Variants in EXPH5 observed in about 807,000 individuals in gnomAD.
EXPH5 encodes exophilin 5, also known as exophilin-5.
EXPH5 carries 42 observed loss-of-function variants against 41.1 expected under a neutral mutation model. That is an observed-to-expected ratio of 1.02 (90% CI 0.80 to 1.32). The LOEUF is 1.32. Among genes scored for constraint, EXPH5 ranks in the 40% most tolerant of loss-of-function variants. EXPH5 has a pLI of 0.00. For missense variants in EXPH5, 2,298 were observed against 2,314.5 expected (o/e 0.99, Z 0.15); for synonymous variants, 798 against 833.5 (o/e 0.96, Z 0.73).
At position 108,513,995 on chromosome 11, in the gene EXPH5, G is replaced by A; in HGVS notation, c.1512C>T (p.Asp504=). ...CCATGGAAATCATTTCAAAGTCTCT[G>A]TCAGAAGAACTGAATGATTTCCTGC... ...HRSRKSFSSS[D]RDFEMISMEA... is the part of the protein sequence containing the mutation. The change falls in exon 6 of 6, where the codon GAC becomes GAT. Residue 504 remains aspartate (D), a synonymous_variant. Coordinates refer to ENST00000265843, the MANE Select transcript of EXPH5 (RefSeq NM_015065.3). 6.2e-7 allele frequency: 1 copy of A among 1,612,858 alleles called. No individual in the cohort carries two copies. Among genetic ancestry groups the A allele is most frequent in the Non-Finnish European group, 8.5e-7 (1 of 1,179,550 alleles).
Position 108,513,748 on chromosome 11 carries a change from C to T in EXPH5, c.1759G>A (p.Gly587Ser), listed in dbSNP as rs778821061. The T allele has an allele frequency of 6.2e-7, 1 of 1,610,188 alleles. No homozygotes were observed. The highest frequency in any genetic ancestry group is 8.5e-7 in the Non-Finnish European group (1 of 1,178,456). ...FGTPNVCSMT[G>S]SSYHVKSSEL... The stretch of plus-strand genomic sequence containing the variant: ...CTAGATTTGACGTGATAGCTTGAAC[C>T]AGTCATGGAGCAAACATTTGGTGTG... Residue 587 changes from glycine to serine, a missense_variant, in exon 6 of 6, where the codon GGT becomes AGT. Gly to Ser is a moderately conservative substitution (Grantham distance 56). Transcript: ENST00000265843.
intron 4 of EXPH5, among the ~76,000 whole-genome samples, chr11:108,526,799 C>T (rs573426701): frequency 3.3e-5 from 5 of 152,250 alleles, no homozygotes; most frequent in South Asian, 4.1e-4. Flanking sequence ...ATCTTTAACT[C>T]GTTAAACCTC....
chr11:108,512,675 C>T lies in EXPH5; in HGVS notation c.2832G>A (p.Glu944=). 1 of 1,614,148 alleles carries T rather than the reference C, an allele frequency of 6.2e-7. No individual in the cohort carries two copies. The highest frequency in any genetic ancestry group is 8.5e-7 in the Non-Finnish European group (1 of 1,180,012). The part of the protein sequence containing the change: ...QFIVSHSENQ[E]RNDSPVPTHD... ...GTGTAGGCACAGGACTATCATTTCTCTCTTGGTTTTCTGAGTGGCTTACAA... is the reference window on the plus strand; with the variant it reads ...GTGTAGGCACAGGACTATCATTTCTTTCTTGGTTTTCTGAGTGGCTTACAA... The change falls in exon 6 of 6, where the codon GAG becomes GAA. Residue 944 remains glutamate (E), a synonymous_variant. Coordinates refer to ENST00000265843, the MANE Select transcript of EXPH5 (RefSeq NM_015065.3).
At chr11:108,521,845 CCAAA>C (rs1294840444) in intron 4 of EXPH5, among the ~76,000 whole-genome samples, 2 of 152,170 alleles carry the variant, frequency 1.3e-5, no homozygotes, top group East Asian at 1.9e-4. Flanking sequence ...CCATTTAACA[CCAAA>C]CAATCTTTTC....
intron 1 of EXPH5, among the ~76,000 whole-genome samples, chr11:108,561,295 T>C (rs2094010636): frequency 6.6e-6 from 1 of 152,244 alleles, no homozygotes; most frequent in Non-Finnish European, 1.5e-5. Context: ...TTAGCTTTGA[T>C]TCCCTTTGAC....
chr11:108,517,620 C>G (rs2093735160), intron 5 of EXPH5, among the ~76,000 whole-genome samples: 1 of 152,196 alleles, frequency 6.6e-6, no homozygotes, highest in Non-Finnish European at 1.5e-5. Flanking sequence ...GAACCTGTCT[C>G]AGTTTTTATC....
At chr11:108,522,764 A>G (rs1413469098) in intron 4 of EXPH5, among the ~76,000 whole-genome samples, 1 of 152,182 alleles carries the variant, frequency 6.6e-6, no homozygotes, top group Non-Finnish European at 1.5e-5. Flanking sequence ...AAGCCCCTCA[A>G]AATAATGCTC....
intron 5 of EXPH5, among the ~76,000 whole-genome samples, chr11:108,516,110 T>A (rs1422452082): frequency 1.3e-5 from 2 of 152,082 alleles, no homozygotes; most frequent in Non-Finnish European, 2.9e-5. Context: ...AAACTCACTT[T>A]TCATATTTTG....
At chr11:108,577,361 C>A (rs1486585011) in intron 1 of EXPH5, among the ~76,000 whole-genome samples, 4 of 151,922 alleles carry the variant, frequency 2.6e-5, no homozygotes, top group African/African-American at 9.7e-5. Flanking sequence ...TTCTCATCAC[C>A]ATCTGTTATT....
At position 108,593,722 on chromosome 11, in the gene EXPH5, C is replaced by T. The variant is rs888083464; in HGVS notation, c.-186G>A. On this transcript the variant is annotated 5_prime_UTR_variant, in exon 1 of 6. Transcript: ENST00000265843. ...ACCTGAAGGGCTCATATTGACAATA[C>T]CTTAATGACATGTTTCTCTCAACCT... 1.9e-6 allele frequency: 3 copies of T among 1,538,698 alleles called. No individual in the cohort carries two copies. Among genetic ancestry groups the T allele is most frequent in the Admixed American group, 2.0e-5 (1 of 51,072 alleles).
At chr11:108,558,003 C>T (rs1388877686) in intron 1 of EXPH5, among the ~76,000 whole-genome samples, 1 of 152,082 alleles carries the variant, frequency 6.6e-6, no homozygotes. Flanking sequence ...GGTGCAGTGG[C>T]ATAATCTCAG....
In EXPH5 at chr11:108,510,746, AT is replaced by A; in HGVS notation, c.4760del (p.Asn1587IlefsTer24). On this transcript the variant is annotated frameshift_variant, in exon 6 of 6. Transcript: ENST00000265843. LOFTEE classifies it low-confidence loss of function (END_TRUNC). ...TNLDDLVKGE[N>X]RSSVKHRLAA... is the part of the protein sequence containing the mutation. Reference sequence around the variant, plus strand: ...CCAATCTGTGTTTAACTGAAGATCTATTTTCCCCCTTTACTAGGTCATCCAA... The same window carrying A: ...CCAATCTGTGTTTAACTGAAGATCTATTTCCCCCTTTACTAGGTCATCCAA... The A allele has an allele frequency of 6.2e-7, 1 of 1,614,004 alleles. No individual in the cohort carries two copies. Among genetic ancestry groups the A allele is most frequent in the Non-Finnish European group, 8.5e-7 (1 of 1,180,002 alleles).
At chr11:108,594,510 T>C (rs1429923669), upstream of EXPH5, among the ~76,000 whole-genome samples, 1 of 152,182 alleles carries the variant, frequency 6.6e-6, no homozygotes, top group African/African-American at 2.4e-5. Flanking sequence ...GCCACAGAAA[T>C]AGCTTTCCTA....
the EXPH5 span, among the ~76,000 whole-genome samples, chr11:108,602,946 G>T: frequency 1.3e-5 from 2 of 152,198 alleles, no homozygotes; most frequent in Non-Finnish European, 2.9e-5. Flanking sequence ...AGGACCTGGT[G>T]GGAGGTGATT....
chr11:108,518,715 C>A (rs1316136303), intron 4 of EXPH5, among the ~76,000 whole-genome samples: 1 of 152,178 alleles, frequency 6.6e-6, no homozygotes, highest in African/African-American at 2.4e-5. Context: ...AGGCTGAGAC[C>A]TACTGGGCTG....
chr11:108,565,000 G>C (rs530497687), intron 1 of EXPH5, among the ~76,000 whole-genome samples: 1 of 149,258 alleles, frequency 6.7e-6, no homozygotes, highest in Non-Finnish European at 1.5e-5. Flanking sequence ...CCGCCTCCCG[G>C]GTTGAAGCTA....
At chr11:108,586,426 G>C (rs1230932596) in intron 1 of EXPH5, among the ~76,000 whole-genome samples, 88 of 130,974 alleles carry the variant, frequency 6.7e-4, no homozygotes, top group Admixed American at 1.3e-3. Context: ...CTCCCTCCCT[G>C]ATCCCCTTTC....
In EXPH5 at chr11:108,513,568, G is replaced by C; in HGVS notation, c.1939C>G (p.Gln647Glu). 6.2e-7 allele frequency: 1 copy of C among 1,614,188 alleles called. No homozygotes were observed. The highest frequency in any genetic ancestry group is 1.3e-5 in the African/African-American group (1 of 75,044). ...DRRNPQSPNL[Q>E]NPTVTLQKIF... ...TTCTGCAAAGTGACTGTGGGATTCTGCAAGTTGGGACTCTGAGGATTCCTT... is the reference window on the plus strand; with the variant it reads ...TTCTGCAAAGTGACTGTGGGATTCTCCAAGTTGGGACTCTGAGGATTCCTT... Residue 647 changes from glutamine (Q) to glutamate (E), a missense_variant, in exon 6 of 6, where the codon CAG (glutamine) becomes GAG (glutamate). Coordinates refer to ENST00000265843, the MANE Select transcript of EXPH5 (RefSeq NM_015065.3).
In EXPH5 at chr11:108,513,945, T is replaced by G; in HGVS notation, c.1562A>C (p.His521Pro). The G allele has an allele frequency of 1.2e-6, 2 of 1,607,938 alleles. No homozygotes were observed. Among genetic ancestry groups the G allele is most frequent in the South Asian group, 1.1e-5 (1 of 89,562 alleles). ...GTGTTCAGAAGAAACATTATGGCCA[T>G]GAATGGCTGATACACTATTTGCTTC... ...SMEANSVSAI[H>P]GHNVSSEHWE... Residue 521 changes from histidine (H) to proline (P), a missense_variant, in exon 6 of 6, where the codon CAT becomes CCT. Physicochemically the swap from His to Pro is moderately conservative, Grantham distance 77 (BLOSUM62 -2). Coordinates refer to ENST00000265843, the MANE Select transcript of EXPH5 (RefSeq NM_015065.3).
Sources: allele counts gnomAD v4.1 joint callset (sites outside exome capture counted in the v4.1 genomes callset), GRCh38; gene constraint gnomAD v4.1.1; transcripts MANE v1.5; gene names NCBI Gene and HGNC (gene_info 2026-07-23, HGNC 2026-07-21).